CDH23: variants seen among roughly 807,000 people sequenced by gnomAD.
CDH23 encodes cadherin related 23.
In CDH23, 189 loss-of-function variants were observed where a neutral mutation model predicts 317.1. The ratio of observed to expected loss-of-function variants is 0.60; its 90% CI spans 0.53 to 0.67. The LOEUF is 0.67. Ranked by LOEUF, CDH23 falls within the 30% of genes least tolerant of loss-of-function variation. CDH23 has a pLI of 0.00. For missense variants in CDH23, 4,401 were observed against 4,592.4 expected (o/e 0.96, Z 1.20); for synonymous variants, 1,839 against 1,876.8 (o/e 0.98, Z 0.52).
At chr10:71,795,268 C>T (rs1012758425) in intron 48 of CDH23, among the ~76,000 whole-genome samples, 2 of 152,016 alleles carry the variant, frequency 1.3e-5, no homozygotes, top group Admixed American at 6.6e-5. Context: ...TAGTGTGCAG[C>T]GAGCCAAAGA....
At chr10:71,439,991 C>A in intron 2 of CDH23, 93 bp downstream of exon 2, 1 of 952,698 alleles carries the variant, frequency 1.0e-6, no homozygotes, top group Non-Finnish European at 1.7e-6. Context: ...CATCTTTGTG[C>A]TCTGGGACTC....
At chr10:71,706,844 GGT>G (rs1421036470) in intron 25 of CDH23, 51 bp from the exon 26 acceptor site, 1 of 1,541,682 alleles carries the variant, frequency 6.5e-7, no homozygotes, top group Non-Finnish European at 8.8e-7. Flanking sequence ...TCTGGAGCTG[GGT>G]CTTCTGCGGC....
intron 3 of CDH23, among the ~76,000 whole-genome samples, chr10:71,482,110 T>A (rs1470130398): frequency 6.6e-6 from 1 of 152,158 alleles, no homozygotes; most frequent in Non-Finnish European, 1.5e-5. Context: ...TGATTCGCCA[T>A]CCCCATGACC....
chr10:71,615,577 G>C lies in CDH23; in HGVS notation c.906G>C (p.Glu302Asp). Residue 302 changes from glutamate (E) to aspartate (D), a missense_variant, in exon 10 of 70, where the codon GAG becomes GAC. Physicochemically the swap from Glu to Asp is conservative, Grantham distance 45. Coordinates refer to ENST00000224721, the MANE Select transcript of CDH23 (RefSeq NM_022124.6). ...CCTTGAATGGCCTGCTGGACCGGGA[G>C]AACCCCCTGTACAGCCATGGCTTCA... Reference protein sequence around the residue: ...VLTLNGLLDRENPLYSHGFIL... With the variant: ...VLTLNGLLDRDNPLYSHGFIL... The C allele has an allele frequency of 6.2e-7, 1 of 1,613,996 alleles. No homozygotes were observed. Among genetic ancestry groups the C allele is most frequent in the Non-Finnish European group, 8.5e-7 (1 of 1,179,876 alleles).
chr10:71,472,028 G>A (rs973402834), intron 3 of CDH23, among the ~76,000 whole-genome samples: 3 of 152,244 alleles, frequency 2.0e-5, no homozygotes, highest in African/African-American at 7.2e-5. Flanking sequence ...GTGCTCGACA[G>A]ATGATAGGTG....
At chr10:71,626,037 A>G (rs1324140437) in intron 11 of CDH23, among the ~76,000 whole-genome samples, 1 of 152,254 alleles carries the variant, frequency 6.6e-6, no homozygotes, top group African/African-American at 2.4e-5. Flanking sequence ...CACTGCTCTG[A>G]AATTACAGCA....
Position 71,777,701 on chromosome 10 carries a change from A to G in CDH23, c.4867A>G (p.Thr1623Ala). The G allele has an allele frequency of 6.2e-6, 10 of 1,612,732 alleles. No homozygotes were observed. The highest frequency in any genetic ancestry group is 1.1e-5 in the South Asian group (1 of 90,774). The change falls in exon 39 of 70, where the codon ACC (threonine) becomes GCC (alanine). Residue 1623 changes from threonine to alanine, a missense_variant. This residue lies in a region of CDH23 where 3,068 missense variants were observed against 3,203.3 expected (regional missense o/e 0.96). Coordinates refer to ENST00000224721, the MANE Select transcript of CDH23 (RefSeq NM_022124.6). ...TLSATTHVYV[T>A]IVDENDNAPM... ...ACAGGCCACCACGCACGTGTACGTG[A>G]CCATTGTGGATGAGAATGATAACGC...
Position 71,793,250 on chromosome 10 carries a change from A to G in CDH23, c.6322A>G (p.Ile2108Val), listed in dbSNP as rs1453941490. Residue 2108 changes from isoleucine to valine, a missense_variant, in exon 48 of 70, where the codon ATA becomes GTA. Ile to Val is a conservative substitution (Grantham distance 29). This residue lies in a region of CDH23 where 3,068 missense variants were observed against 3,203.3 expected (regional missense o/e 0.96). Transcript: ENST00000224721. Reference protein sequence around the residue: ...SGLNGELVYRIEAGAQDRFLI... With the variant: ...SGLNGELVYRVEAGAQDRFLI... The stretch of plus-strand genomic sequence containing the variant: ...CCTCAATGGGGAGCTGGTCTACCGA[A>G]TAGAAGCTGGGGCTCAGGACCGCTT... 1 of 1,613,932 alleles carries G rather than the reference A, an allele frequency of 6.2e-7. No homozygotes were observed. Among genetic ancestry groups the G allele is most frequent in the Middle Eastern group, 1.6e-4 (1 of 6,062 alleles).
chr10:71,582,100 C>T (rs1447737468), intron 9 of CDH23, among the ~76,000 whole-genome samples: 1 of 152,224 alleles, frequency 6.6e-6, no homozygotes, highest in Non-Finnish European at 1.5e-5. Flanking sequence ...AAGGATTATG[C>T]ATTGTCAAGT....
In CDH23 at chr10:71,807,855, C is replaced by G. The variant is rs1341806761; in HGVS notation, c.8570C>G (p.Thr2857Ser). 6.2e-7 allele frequency: 1 copy of G among 1,601,608 alleles called. No individual in the cohort carries two copies. The highest frequency in any genetic ancestry group is 1.3e-5 in the African/African-American group (1 of 74,688). Residue 2857 changes from threonine to serine, a missense_variant, in exon 60 of 70, where the codon ACC becomes AGC. Around this residue, in one of 3 missense-constraint regions of CDH23, gnomAD observed 1,144 missense variants for 1,138.2 expected, o/e 1.01. Transcript: ENST00000224721. ...TKAEYTAGVA[T>S]DAKVGSELIQ... ...CTGCCTCTTCCTGCAGGGGTGGCCA[C>G]CGACGCCAAGGTGGGCTCAGAGTTG... is the stretch of plus-strand genomic sequence containing the variant.
chr10:71,765,136 T>C (rs1840502319), intron 38 of CDH23, among the ~76,000 whole-genome samples: 1 of 152,224 alleles, frequency 6.6e-6, no homozygotes, highest in East Asian at 1.9e-4. Flanking sequence ...GGGGGCCCTG[T>C]GCTGCCCCCT....
At chr10:71,626,597 G>A (rs1488798741) in intron 11 of CDH23, among the ~76,000 whole-genome samples, 1 of 152,186 alleles carries the variant, frequency 6.6e-6, no homozygotes, top group Non-Finnish European at 1.5e-5. Flanking sequence ...CTCCCCACCT[G>A]CTGGTGTGAC....
intron 17 of CDH23, among the ~76,000 whole-genome samples, chr10:71,681,657 C>A (rs898006894): frequency 1.3e-5 from 2 of 152,174 alleles, no homozygotes; most frequent in African/African-American, 4.8e-5. Context: ...GAGAGAGACG[C>A]CAGGGGCAGT....
chr10:71,585,157 G>A (rs1490498711), intron 9 of CDH23, among the ~76,000 whole-genome samples: 6 of 152,272 alleles, frequency 3.9e-5, no homozygotes, highest in South Asian at 2.1e-4. Context: ...TACAGGAACC[G>A]AGTCAGCAGG....
intron 53 of CDH23, among the ~76,000 whole-genome samples, chr10:71,802,403 CTG>C (rs1402636026): frequency 6.6e-6 from 1 of 152,222 alleles, no homozygotes; most frequent in Admixed American, 6.5e-5. Context: ...CCATGGTTTG[CTG>C]TGTCTGTAAG....
chr10:71,572,619 C>T (rs895183599), intron 8 of CDH23, among the ~76,000 whole-genome samples: 1 of 152,126 alleles, frequency 6.6e-6, no homozygotes, highest in Non-Finnish European at 1.5e-5. Context: ...CTGCTCTTGT[C>T]GCCAGCCCAA....
Position 71,439,904 on chromosome 10 carries a change from TC to T in CDH23, c.67+8del. On this transcript the variant is annotated splice_region_variant and intron_variant, in intron 2 of 69. Coordinates refer to ENST00000224721, the MANE Select transcript of CDH23 (RefSeq NM_022124.6). ...GCTGATCTCTGGATGCTGGGGTAAG[TC>T]CAGTCCTCCCCGTGTCTATCCCATG... 1 of 1,568,324 alleles carries T rather than the reference TC, an allele frequency of 6.4e-7. No individual in the cohort carries two copies. Among genetic ancestry groups the T allele is most frequent in the Admixed American group, 1.9e-5 (1 of 53,522 alleles).
At chr10:71,680,158 T>C (rs1418342138) in intron 17 of CDH23, among the ~76,000 whole-genome samples, 1 of 152,206 alleles carries the variant, frequency 6.6e-6, no homozygotes, top group Non-Finnish European at 1.5e-5. Context: ...TTTGACACTG[T>C]CTCCCCTTAC....
chr10:71,661,849 CGTCCCCTCCCACCCTGCACG>C (rs1863680167), intron 14 of CDH23, among the ~76,000 whole-genome samples: 4 of 54,424 alleles, frequency 7.3e-5, no homozygotes, highest in Non-Finnish European at 1.7e-4. Flanking sequence ...CCACCCTGCA[CGTCCCCTCCCACCCTGCACG>C]TCCCCTCCCA....
Sources: allele counts gnomAD v4.1 joint callset (sites outside exome capture counted in the v4.1 genomes callset), GRCh38; gene constraint gnomAD v4.1.1; regional missense constraint gnomAD v4.1.1; transcripts MANE v1.5; gene names NCBI Gene and HGNC (gene_info 2026-07-23, HGNC 2026-07-21).